MSH3: variants seen among roughly 807,000 people sequenced by gnomAD.
The protein encoded by MSH3 is mutS homolog 3.
In MSH3, 106 loss-of-function variants were observed where a neutral mutation model predicts 123.3. That is an observed-to-expected ratio of 0.86 (90% CI 0.73 to 1.01). The LOEUF is 1.01. Ranked by LOEUF, MSH3 falls within the 50% of genes least tolerant of loss-of-function variation. MSH3 has a pLI of 0.00. For synonymous variants in MSH3, 515 were observed against 481.4 expected, an observed-to-expected ratio of 1.07 and a Z score of -0.91; for missense variants, 1,459 against 1,347.6, an observed-to-expected ratio of 1.08 and a Z score of -1.29.
chr5:80,736,365 A>T (rs1421001620), intron 10 of MSH3, among the ~76,000 whole-genome samples: 1 of 152,148 alleles, frequency 6.6e-6, no homozygotes, highest in Non-Finnish European at 1.5e-5. Flanking sequence ...TTTAAGACAG[A>T]AGTATAAAGA....
At chr5:80,837,493 G>T (rs948307472) in intron 20 of MSH3, among the ~76,000 whole-genome samples, 1 of 152,014 alleles carries the variant, frequency 6.6e-6, no homozygotes, top group Non-Finnish European at 1.5e-5. Context: ...GTGGGAGTTC[G>T]CTTGAACCTG....
At chr5:80,730,899 T>A (rs1255490636) in intron 10 of MSH3, among the ~76,000 whole-genome samples, 22 of 147,040 alleles carry the variant, frequency 1.5e-4, no homozygotes, top group Admixed American at 9.5e-4. Context: ...TATATATTTT[T>A]TTTTTTTTCT....
chr5:80,670,057 G>T (rs746253597), intron 3 of MSH3, 40 bp from the exon 4 acceptor site: 1 of 1,579,276 alleles, frequency 6.3e-7, no homozygotes, highest in Non-Finnish European at 8.7e-7. Flanking sequence ...TATTATTGTG[G>T]TTAATATTTT....
chr5:80,761,710 A>G, intron 13 of MSH3, 32 bp downstream of exon 13: 1 of 1,612,252 alleles, frequency 6.2e-7, no homozygotes. Flanking sequence ...TAAAGCTGAC[A>G]GTGTTCTTCA....
At chr5:80,859,952 A>G (rs1401334139) in intron 21 of MSH3, among the ~76,000 whole-genome samples, 2 of 152,048 alleles carry the variant, frequency 1.3e-5, no homozygotes, top group South Asian at 2.1e-4. Flanking sequence ...GGAGTTTGCA[A>G]TATACGTTTG....
At chr5:80,788,451 AT>A (rs1744553037) in intron 18 of MSH3, among the ~76,000 whole-genome samples, 1 of 151,790 alleles carries the variant, frequency 6.6e-6, no homozygotes, top group South Asian at 2.1e-4. Context: ...AAAAAAAAAA[AT>A]TTTTTTTCAG....
chr5:80,869,864 T>A (rs1338951420), intron 22 of MSH3, among the ~76,000 whole-genome samples: 3 of 62,152 alleles, frequency 4.8e-5, no homozygotes, highest in East Asian at 4.7e-4. Context: ...ACACACACAC[T>A]ATATAAAAAA....
chr5:80,684,796 C>T (rs1457261922), intron 8 of MSH3, among the ~76,000 whole-genome samples: 2 of 152,018 alleles, frequency 1.3e-5, no homozygotes, highest in Non-Finnish European at 2.9e-5. Flanking sequence ...AGCTGTGGGT[C>T]TGTTTTATAT....
chr5:80,813,496 C>A, intron 19 of MSH3, 88 bp from the exon 20 acceptor site: 2 of 1,314,226 alleles, frequency 1.5e-6, no homozygotes, highest in Non-Finnish European at 2.2e-6. Context: ...TAATGTTTTG[C>A]CTAATGCATT....
chr5:80,811,461 A>C (rs1362884938), intron 19 of MSH3, among the ~76,000 whole-genome samples: 1 of 152,102 alleles, frequency 6.6e-6, no homozygotes, highest in Non-Finnish European at 1.5e-5. Flanking sequence ...TTGACTTATT[A>C]ATAGTTTATT....
intron 22 of MSH3, among the ~76,000 whole-genome samples, chr5:80,872,480 A>G (rs1746235488): frequency 6.6e-6 from 1 of 151,846 alleles, no homozygotes; most frequent in Non-Finnish European, 1.5e-5. Flanking sequence ...GAAACATAAA[A>G]AGGAGAAATT....
In MSH3 at chr5:80,675,199, G is replaced by C. The variant is rs550630377; in HGVS notation, c.1173+71G>C. On this transcript the variant is annotated intron_variant, in intron 7 of 23. Coordinates refer to ENST00000265081, the MANE Select transcript of MSH3 (RefSeq NM_002439.5). ...TCTCTAAATATGATCTATCATGTAT[G>C]GTTTATAATAAGGATATCTGATGAA... 688 of 1,493,222 alleles carry C rather than the reference G, an allele frequency of 4.6e-4. 6 individuals are homozygous for C. The highest frequency in any genetic ancestry group is 4.5e-3 in the South Asian group (388 of 87,174). The allele number at this position is 1,493,222 out of a possible 1,614,324, so 92.5% of individuals were successfully genotyped here. A position where few individuals can be genotyped will look rare whatever the true frequency, so the allele number is the denominator to read the frequency against.
At chr5:80,698,597 T>G (rs1260166330) in intron 8 of MSH3, among the ~76,000 whole-genome samples, 1 of 151,666 alleles carries the variant, frequency 6.6e-6, no homozygotes, top group Non-Finnish European at 1.5e-5. Context: ...TTTGGCTGGG[T>G]TACTCTGCCA....
chr5:80,831,511 C>A (rs1278897730), intron 20 of MSH3, among the ~76,000 whole-genome samples: 4 of 152,018 alleles, frequency 2.6e-5, no homozygotes, highest in Non-Finnish European at 4.4e-5. Flanking sequence ...GCTTTTTATG[C>A]CTTTTAAATA....
chr5:80,711,584 G>A (rs905730836), intron 8 of MSH3, among the ~76,000 whole-genome samples: 3 of 152,184 alleles, frequency 2.0e-5, no homozygotes, highest in Admixed American at 6.5e-5. Flanking sequence ...GAAGCTATGC[G>A]ATTGTGTCTA....
At chr5:80,833,192 G>C (rs1745449528) in intron 20 of MSH3, among the ~76,000 whole-genome samples, 1 of 151,980 alleles carries the variant, frequency 6.6e-6, no homozygotes, top group Non-Finnish European at 1.5e-5. Context: ...AAAAATATCA[G>C]AGTGATTTTT....
At position 80,716,541 on chromosome 5, in the gene MSH3, G is replaced by A. The variant is rs927601638; in HGVS notation, c.1341-8912G>A. Among the ~76,000 whole-genome samples the A allele has an allele frequency of 2.6e-5, 4 of 151,858 alleles. No individual in the cohort carries two copies. In the South Asian group the frequency reaches 8.3e-4, roughly 32 times the overall value. Reference sequence around the variant, plus strand: ...CAGCCTCCTGAGTAGCTGTGATTACGGGTGTGAGCCACTGTGCCTAACACC... The same window carrying A: ...CAGCCTCCTGAGTAGCTGTGATTACAGGTGTGAGCCACTGTGCCTAACACC... On this transcript the variant is annotated intron_variant, in intron 8 of 23. Coordinates refer to ENST00000265081, the MANE Select transcript of MSH3 (RefSeq NM_002439.5).
chr5:80,711,116 C>T (rs1413849229), intron 8 of MSH3, among the ~76,000 whole-genome samples: 1 of 152,184 alleles, frequency 6.6e-6, no homozygotes, highest in Non-Finnish European at 1.5e-5. Context: ...TTTAGAACAA[C>T]ACGAGTTTAC....
intron 22 of MSH3, 116 bp downstream of exon 22, chr5:80,865,058 A>C: frequency 9.3e-7 from 1 of 1,069,828 alleles, no homozygotes; most frequent in Non-Finnish European, 1.4e-6. Context: ...TGTGAGCTAT[A>C]AATAACATTT....
Sources: allele counts gnomAD v4.1 joint callset (sites outside exome capture counted in the v4.1 genomes callset), GRCh38; gene constraint gnomAD v4.1.1; transcripts MANE v1.5; gene names NCBI Gene and HGNC (gene_info 2026-07-23, HGNC 2026-07-21).